Variants in OTOGL observed in about 807,000 individuals in gnomAD.
The protein encoded by OTOGL is otogelin-like protein.
Under a neutral mutation model 318.5 loss-of-function variants are expected in OTOGL, and 285 were observed. That is an observed-to-expected ratio of 0.89 (90% CI 0.81 to 0.99). The LOEUF (loss-of-function observed/expected upper bound fraction) is 0.99, where lower values mean the gene tolerates loss of function less well. OTOGL is among the 50% of genes least tolerant of loss of function. The probability of loss-of-function intolerance (pLI) is 0.00; values close to 1 mark genes in which losing one functional copy is unlikely to be tolerated. For synonymous variants in OTOGL, 987 were observed against 936.5 expected, an observed-to-expected ratio of 1.05 and a Z score of -0.99; for missense variants, 2,899 against 2,845.6, an observed-to-expected ratio of 1.02 and a Z score of -0.43.
intron 1 of OTOGL, among the ~76,000 whole-genome samples, chr12:80,202,551 G>A (rs1876533204): frequency 6.6e-6 from 1 of 152,184 alleles, no homozygotes; most frequent in Admixed American, 6.5e-5. Flanking sequence ...GGGATTACAG[G>A]CCTGAGCCAC....
chr12:80,172,407 C>G (rs1394764727), intron 1 of OTOGL, among the ~76,000 whole-genome samples: 2 of 152,146 alleles, frequency 1.3e-5, no homozygotes, highest in Non-Finnish European at 2.9e-5. Flanking sequence ...CTTCTCCTAG[C>G]AGTTAACAAG....
intron 52 of OTOGL, among the ~76,000 whole-genome samples, chr12:80,360,261 T>A (rs916930343): frequency 6.6e-5 from 10 of 151,956 alleles, no homozygotes; most frequent in East Asian, 1.9e-4. Context: ...AATTTCTTAA[T>A]TTTTTTTCCC....
At chr12:80,311,391 A>G (rs1183750052) in intron 30 of OTOGL, among the ~76,000 whole-genome samples, 1 of 152,194 alleles carries the variant, frequency 6.6e-6, no homozygotes, top group Non-Finnish European at 1.5e-5. Context: ...TTATTCAGAC[A>G]TTCAGACAGG....
At chr12:80,354,609 C>A (rs1356753055) in intron 46 of OTOGL, among the ~76,000 whole-genome samples, 1 of 151,804 alleles carries the variant, frequency 6.6e-6, no homozygotes, top group Non-Finnish European at 1.5e-5. Context: ...AATGAATTGA[C>A]TAATAATTAA....
intron 1 of OTOGL, among the ~76,000 whole-genome samples, chr12:80,166,649 T>C (rs1873850381): frequency 6.6e-6 from 1 of 152,132 alleles, no homozygotes; most frequent in Non-Finnish European, 1.5e-5. Flanking sequence ...AACAAATATA[T>C]AAATTGTAGA....
At chr12:80,175,853 A>C (rs1488465772) in intron 1 of OTOGL, among the ~76,000 whole-genome samples, 1 of 152,218 alleles carries the variant, frequency 6.6e-6, no homozygotes, top group Non-Finnish European at 1.5e-5. Context: ...TATTTGAACA[A>C]TGGTTGAAGG....
intron 1 of OTOGL, among the ~76,000 whole-genome samples, chr12:80,181,861 T>C (rs1030097528): frequency 2.6e-5 from 4 of 152,170 alleles, no homozygotes; most frequent in Non-Finnish European, 5.9e-5. Context: ...CAATGCCTGA[T>C]TGAGACATAT....
intron 26 of OTOGL, among the ~76,000 whole-genome samples, chr12:80,290,720 A>T (rs1884987386): frequency 6.6e-6 from 1 of 152,186 alleles, no homozygotes; most frequent in South Asian, 2.1e-4. Context: ...AATCTTGTTC[A>T]TGTTTCAGCA....
Position 80,242,593 on chromosome 12 carries a change from T to C in OTOGL, c.1052+3154T>C, listed in dbSNP as rs138871902. On this transcript the variant is annotated intron_variant, in intron 11 of 58. Transcript: ENST00000547103. ...GGGTCCCATACTATGAGAATGAAAA[T>C]GTGAATTGGTTGAACACAGATTAAT... is the stretch of plus-strand genomic sequence containing the variant. Among the ~76,000 whole-genome samples, 488 of 152,266 alleles carry C rather than the reference T, an allele frequency of 3.2e-3. 5 individuals are homozygous for C. The highest frequency in any genetic ancestry group is 0.011 in the African/African-American group (458 of 41,556).
rs531413705 is a variant in OTOGL, at chr12:80,358,171, G to A, written c.6020-77G>A. ...CTTAAACAAAATTGATTTGATTTGT[G>A]TATGGTAATTTAAACTCATATTATA... On this transcript the variant is annotated intron_variant, in intron 49 of 58. Coordinates refer to ENST00000547103, the MANE Select transcript of OTOGL (RefSeq NM_001378609.3). The A allele has an allele frequency of 3.2e-5, 29 of 911,530 alleles. No homozygotes were observed. The South Asian group carries it at 4.2e-4, about 13-fold the overall frequency. 56.5% of individuals were successfully genotyped at this position (911,530 alleles called of 1,614,324 possible).
rs113995325 is a variant in OTOGL, at chr12:80,184,683, G to A, written c.-19-24730G>A. ...AGTGCTGGAGTCATGTAATTGTTGA[G>A]TGTCCAGGAAGGCTGGACTCCAATA... On this transcript the variant is annotated intron_variant, in intron 1 of 58. Transcript: ENST00000547103. 5.6e-3 allele frequency among the ~76,000 whole-genome samples: 850 copies of A among 152,240 alleles called. 11 individuals are homozygous for A. The highest frequency in any genetic ancestry group is 0.019 in the African/African-American group (808 of 41,524).
Position 80,323,767 on chromosome 12 carries a change from T to A in OTOGL, c.4126T>A (p.Tyr1376Asn). Residue 1376 changes from tyrosine (Y) to asparagine (N), a missense_variant, in exon 35 of 59, where the codon TAT becomes AAT. Around this residue, in one of 3 missense-constraint regions of OTOGL, gnomAD observed 2,607 missense variants for 2,524.9 expected, o/e 1.03. Transcript: ENST00000547103. ...TTACAGGAAGATGTGTGAATGGAGA[T>A]ATGAACCTTGTGCTACACCCTGTTT... is the stretch of plus-strand genomic sequence containing the variant. ...VPYRKMCEWRYEPCATPCFKT... is the reference protein window; with the variant it reads ...VPYRKMCEWRNEPCATPCFKT... 3 of 1,613,966 alleles carry A rather than the reference T, an allele frequency of 1.9e-6. No homozygotes were observed. The highest frequency in any genetic ancestry group is 2.5e-6 in the Non-Finnish European group (3 of 1,179,836).
At position 80,108,953 on chromosome 12, in the gene OTOGL, T is replaced by TATATAC. The variant is rs1555268625; in HGVS notation, c.-20+9349_-20+9350insTATACA. Among the ~76,000 whole-genome samples the TATATAC allele has an allele frequency of 1.0e-3, 144 of 142,738 alleles. 1 individual carries two copies. The highest frequency in any genetic ancestry group is 3.5e-3 in the African/African-American group (133 of 38,250). 93.6% of individuals were successfully genotyped at this position (142,738 alleles called of 152,430 possible). The stretch of plus-strand genomic sequence containing the variant: ...ATGTGTGTGTATATATATATATATA[T>TATATAC]ACACACACACATATATAATTTACGG... On this transcript the variant is annotated intron_variant, in intron 1 of 58. Transcript: ENST00000547103.
chr12:80,282,249 A>C (rs2137638229), intron 26 of OTOGL, among the ~76,000 whole-genome samples: 1 of 152,012 alleles, frequency 6.6e-6, no homozygotes, highest in African/African-American at 2.4e-5. Context: ...TGTGACTTTT[A>C]TATTATTAGA....
At position 80,225,520 on chromosome 12, in the gene OTOGL, T is replaced by A. The variant is rs138780665; in HGVS notation, c.489+3275T>A. 3.5e-4 allele frequency among the ~76,000 whole-genome samples: 54 copies of A among 152,276 alleles called. 1 individual carries two copies. The East Asian group carries it at 9.6e-3, about 27-fold the overall frequency. On this transcript the variant is annotated intron_variant, in intron 7 of 58. Transcript: ENST00000547103. The stretch of plus-strand genomic sequence containing the variant: ...GCAGTTCATTTCTTTTGTAGAAAAT[T>A]TGGAAAATTCAGAGAAGTCTGAAAA...
chr12:80,149,372 C>CT (rs1345771034), intron 1 of OTOGL, among the ~76,000 whole-genome samples: 2 of 140,810 alleles, frequency 1.4e-5, no homozygotes, highest in African/African-American at 5.1e-5. Flanking sequence ...GCTCGGGGGT[C>CT]GGGGGCCAGG....
chr12:80,172,636 G>T (rs1000563036), intron 1 of OTOGL, among the ~76,000 whole-genome samples: 3 of 151,100 alleles, frequency 2.0e-5, no homozygotes, highest in African/African-American at 7.3e-5. Flanking sequence ...TGTTTTCTAT[G>T]TATTTAAAAA....
chr12:80,307,571 C>T (rs1281067515), intron 29 of OTOGL, among the ~76,000 whole-genome samples: 2 of 145,858 alleles, frequency 1.4e-5, no homozygotes, highest in African/African-American at 5.1e-5. Context: ...GGGGCTGACC[C>T]CCCAACCTCC....
In OTOGL at chr12:80,328,870, GTC is replaced by G. The variant is rs1887882545; in HGVS notation, c.4279+130_4279+131del. ...AACTCTCATAAGATTATTCTTCAAT[GTC>G]TCTTACATAGCTTTTTTTCCCTAAT... On this transcript the variant is annotated intron_variant, in intron 36 of 58. Transcript: ENST00000547103. The G allele has an allele frequency of 3.8e-6, 4 of 1,060,008 alleles. No individual in the cohort carries two copies. In the Admixed American group the frequency reaches 7.5e-5, roughly 20 times the overall value. 65.7% of individuals were successfully genotyped at this position (1,060,008 alleles called of 1,614,324 possible).
Sources: allele counts gnomAD v4.1 joint callset (sites outside exome capture counted in the v4.1 genomes callset), GRCh38; gene constraint gnomAD v4.1.1; regional missense constraint gnomAD v4.1.1; transcripts MANE v1.5; gene names NCBI Gene and HGNC (gene_info 2026-07-23, HGNC 2026-07-21).